FBXO25: variants seen among roughly 807,000 people sequenced by gnomAD.
The protein encoded by FBXO25 is F-box protein 25.
FBXO25 carries 45 observed loss-of-function variants against 51.9 expected under a neutral mutation model. The ratio of observed to expected loss-of-function variants is 0.87; its 90% confidence interval spans 0.68 to 1.11. The LOEUF is 1.11. FBXO25 is among the 50% of genes most tolerant of loss of function. The pLI is 0.00. For synonymous variants in FBXO25, 199 were observed against 151.0 expected (o/e 1.32, Z -2.33); for missense variants, 507 against 428.5 (o/e 1.18, Z -1.62).
At position 468,766 on chromosome 8, in the gene FBXO25, G is replaced by T. The variant is rs772756063; in HGVS notation, c.1039G>T (p.Val347Leu). 6.2e-7 allele frequency: 1 copy of T among 1,614,036 alleles called. No individual in the cohort carries two copies. Among genetic ancestry groups the T allele is most frequent in the Non-Finnish European group, 8.5e-7 (1 of 1,180,024 alleles). ...CGACCCTGACAGCTGCTTCACGCCTGTGTCTCCGCAGCACTTCATCGACCT... is the reference window on the plus strand; with the variant it reads ...CGACCCTGACAGCTGCTTCACGCCTTTGTCTCCGCAGCACTTCATCGACCT... ...AADPDSCFTP[V>L]SPQHFIDLFK... The change falls in exon 10 of 10, where the codon GTG becomes TTG. Residue 347 changes from valine to leucine, a missense_variant. By Grantham distance (32) the Val-to-Leu change is conservative. Transcript: ENST00000350302.
Position 407,283 on chromosome 8 carries a change from C to A in FBXO25, c.-8+217C>A, listed in dbSNP as rs1437407237. The A allele has an allele frequency of 1.4e-4, 118 of 871,842 alleles. No individual in the cohort carries two copies. The South Asian group carries it at 5.9e-3, about 44-fold the overall frequency. The allele number at this position is 871,842 out of a possible 1,614,324, so 54.0% of individuals were successfully genotyped here. A position where few individuals can be genotyped will look rare whatever the true frequency, so the allele number is the denominator to read the frequency against. On this transcript the variant is annotated intron_variant, in intron 1 of 9. Coordinates refer to ENST00000350302, the MANE Select transcript of FBXO25 (RefSeq NM_183420.2). ...GGGAGGGTCAGGTGGGGACCGGGGG[C>A]CTCGGGCGCGTCAGGTGGGGACGGG...
At chr8:444,656 A>C (rs1388180404) in intron 5 of FBXO25, among the ~76,000 whole-genome samples, 1 of 152,118 alleles carries the variant, frequency 6.6e-6, no homozygotes, top group Non-Finnish European at 1.5e-5. Flanking sequence ...AGATTTGAGG[A>C]GATACGCAGT....
At chr8:456,788 T>C (rs182984462) in intron 7 of FBXO25, among the ~76,000 whole-genome samples, 19 of 152,326 alleles carry the variant, frequency 1.2e-4, no homozygotes, top group Non-Finnish European at 2.4e-4. Flanking sequence ...ATGCTCGTGC[T>C]GCCCACTGGG....
At chr8:436,001 G>A (rs1184753580) in intron 5 of FBXO25, among the ~76,000 whole-genome samples, 7 of 152,224 alleles carry the variant, frequency 4.6e-5, no homozygotes, top group Non-Finnish European at 8.8e-5. Flanking sequence ...GTTGTACCAC[G>A]TACCTACATA....
At chr8:418,892 T>G (rs1167455754) in intron 2 of FBXO25, among the ~76,000 whole-genome samples, 1 of 152,176 alleles carries the variant, frequency 6.6e-6, no homozygotes, top group Non-Finnish European at 1.5e-5. Context: ...GCATTAATGT[T>G]AGATGGATTT....
chr8:410,325 C>T (rs553747767), intron 1 of FBXO25, among the ~76,000 whole-genome samples: 3 of 152,188 alleles, frequency 2.0e-5, no homozygotes, highest in Admixed American at 6.5e-5. Flanking sequence ...CTTTTGAGGG[C>T]AGGAACATCT....
chr8:430,317 C>T (rs970274322), intron 2 of FBXO25, among the ~76,000 whole-genome samples: 1 of 152,140 alleles, frequency 6.6e-6, no homozygotes, highest in Non-Finnish European at 1.5e-5. Context: ...TAATGTCTGC[C>T]ACAAAAAGTT....
chr8:441,549 G>A (rs1332738137), intron 5 of FBXO25, among the ~76,000 whole-genome samples: 14 of 152,176 alleles, frequency 9.2e-5, no homozygotes, highest in Admixed American at 6.5e-4. Context: ...CTTCTGCATA[G>A]CAAAAGAAAC....
Position 472,569 on chromosome 8 carries a change from G to A in FBXO25, c.*3765G>A, listed in dbSNP as rs1800516903. 1 of 134,974 alleles carries A rather than the reference G, an allele frequency of 7.4e-6. No individual in the cohort carries two copies. The highest frequency in any genetic ancestry group is 8.4e-5 in the Admixed American group (1 of 11,906). 8.4% of individuals were successfully genotyped at this position (134,974 alleles called of 1,614,324 possible). On this transcript the variant is annotated 3_prime_UTR_variant, in exon 10 of 10. Transcript: ENST00000350302. ...CTTGGGTTTTGGTGTCCATCTCATA[G>A]GATAAGCTTAGAAAGTGTTCCCTCT...
chr8:440,285 C>T (rs1397081463), intron 5 of FBXO25, among the ~76,000 whole-genome samples: 1 of 152,320 alleles, frequency 6.6e-6, no homozygotes, highest in Middle Eastern at 3.4e-3. Context: ...TCATAGGAAG[C>T]TCTTGGAACA....
chr8:433,674 C>T (rs1165655427), intron 4 of FBXO25, among the ~76,000 whole-genome samples: 1 of 152,016 alleles, frequency 6.6e-6, no homozygotes, highest in African/African-American at 2.4e-5. Context: ...GGCCTAGAAA[C>T]TCTGCATTTG....
At chr8:430,104 C>T (rs548716274) in intron 2 of FBXO25, among the ~76,000 whole-genome samples, 1 of 152,360 alleles carries the variant, frequency 6.6e-6, no homozygotes, top group Non-Finnish European at 1.5e-5. Flanking sequence ...CTGTCTCCTT[C>T]CATATTCTGT....
At chr8:449,510 T>C (rs1196344095) in intron 5 of FBXO25, among the ~76,000 whole-genome samples, 3 of 152,266 alleles carry the variant, frequency 2.0e-5, no homozygotes, top group East Asian at 3.8e-4. Flanking sequence ...CAATGAGTTT[T>C]GGTGTTGTGT....
Position 474,853 on chromosome 8 carries a change from G to T in FBXO25, c.*6049G>T, listed in dbSNP as rs1326408858. 1 of 453,574 alleles carries T rather than the reference G, an allele frequency of 2.2e-6. No homozygotes were observed. The highest frequency in any genetic ancestry group is 2.4e-5 in the Admixed American group (1 of 41,946). The allele number at this position is 453,574 out of a possible 1,614,324, so 28.1% of individuals were successfully genotyped here. A position where few individuals can be genotyped will look rare whatever the true frequency, so the allele number is the denominator to read the frequency against. ...AGTTGTTTCTTTCTTTTAGTTACCT[G>T]TGTGTGCCTCTGGTGTCATATCTAA... On this transcript the variant is annotated 3_prime_UTR_variant, in exon 10 of 10. Coordinates refer to ENST00000350302, the MANE Select transcript of FBXO25 (RefSeq NM_183420.2).
chr8:460,449 G>T (rs1295591044), intron 8 of FBXO25, among the ~76,000 whole-genome samples: 1 of 151,566 alleles, frequency 6.6e-6, no homozygotes, highest in Non-Finnish European at 1.5e-5. Context: ...TAACATTAAG[G>T]CCCTGAAAAA....
chr8:432,254 C>G (rs1397585645), intron 3 of FBXO25, among the ~76,000 whole-genome samples: 1 of 152,028 alleles, frequency 6.6e-6, no homozygotes, highest in Non-Finnish European at 1.5e-5. Context: ...ACTCGCTTGA[C>G]AAAGGGAGGA....
chr8:440,657 A>T (rs2116646930), intron 5 of FBXO25, among the ~76,000 whole-genome samples: 1 of 152,132 alleles, frequency 6.6e-6, no homozygotes. Context: ...TTACATAGGT[A>T]TACACATGCC....
In FBXO25 at chr8:468,875, TG is replaced by T. The variant is rs1044115563; in HGVS notation, c.*72del. 4.8e-6 allele frequency: 7 copies of T among 1,466,440 alleles called. No individual in the cohort carries two copies. In the African/African-American group the frequency reaches 9.8e-5, roughly 21 times the overall value. 90.8% of individuals were successfully genotyped at this position (1,466,440 alleles called of 1,614,324 possible). On this transcript the variant is annotated 3_prime_UTR_variant, in exon 10 of 10. Coordinates refer to ENST00000350302, the MANE Select transcript of FBXO25 (RefSeq NM_183420.2). ...TGTGCAGGGCTCATAGTGAGTGTTC[TG>T]TGAGGTGGGTGGAGACTCCTCGGAA... is the stretch of plus-strand genomic sequence containing the variant.
chr8:416,736 C>A (rs1203189523), intron 2 of FBXO25, among the ~76,000 whole-genome samples: 20 of 152,192 alleles, frequency 1.3e-4, no homozygotes, highest in South Asian at 2.1e-4. Context: ...CATACTGTTA[C>A]ACCTGTTTAG....
Sources: allele counts gnomAD v4.1 joint callset (sites outside exome capture counted in the v4.1 genomes callset), GRCh38; gene constraint gnomAD v4.1.1; transcripts MANE v1.5; gene names NCBI Gene and HGNC (gene_info 2026-07-23, HGNC 2026-07-21).